ZNF653: variants seen among roughly 807,000 people sequenced by gnomAD.
The protein encoded by ZNF653 is zinc finger protein 653.
In ZNF653, 37 loss-of-function variants were observed where a neutral mutation model predicts 59.9. That is an observed-to-expected ratio of 0.62 (90% CI 0.48 to 0.81). The LOEUF (loss-of-function observed/expected upper bound fraction) is 0.81. Ranked by LOEUF, ZNF653 falls within the 40% of genes least tolerant of loss-of-function variation. ZNF653 has a pLI of 0.00. For missense variants in ZNF653, 808 were observed against 881.1 expected, an observed-to-expected ratio of 0.92 and a Z score of 1.05; for synonymous variants, 435 against 371.8, an observed-to-expected ratio of 1.17 and a Z score of -1.96.
At position 11,485,695 on chromosome 19, in the gene ZNF653, A is replaced by C; in HGVS notation, c.1531T>G (p.Leu511Val). Residue 511 changes from leucine (L) to valine (V), a missense_variant, in exon 7 of 9, where the codon TTA becomes GTA. Coordinates refer to ENST00000293771, the MANE Select transcript of ZNF653 (RefSeq NM_138783.4). ...PHPGCGKKFY[L>V]SNHLRRHMII... ...ATGTGCCGCCGCAGGTGGTTGGATA[A>C]ATAGAACTTCTTGCCACAGCCAGGA... is the stretch of plus-strand genomic sequence containing the variant. 1 of 1,614,074 alleles carries C rather than the reference A, an allele frequency of 6.2e-7. No individual in the cohort carries two copies.
intron 7 of ZNF653, among the ~76,000 whole-genome samples, chr19:11,484,447 G>A (rs1971443846): frequency 6.6e-6 from 1 of 152,026 alleles, no homozygotes; most frequent in South Asian, 2.1e-4. Flanking sequence ...TGTTGCCCAG[G>A]CTGGAGTGCA....
At chr19:11,490,190 G>C (rs373525342) in intron 3 of ZNF653, among the ~76,000 whole-genome samples, 1 of 152,120 alleles carries the variant, frequency 6.6e-6, no homozygotes, top group Admixed American at 6.6e-5. Flanking sequence ...TCAGAAAATG[G>C]CTCTACCTAC....
chr19:11,490,140 A>T (rs1453187371), intron 3 of ZNF653, among the ~76,000 whole-genome samples: 1 of 152,190 alleles, frequency 6.6e-6, no homozygotes, highest in South Asian at 2.1e-4. Flanking sequence ...CCATGACCCC[A>T]TCCTCAGGTT....
intron 2 of ZNF653, among the ~76,000 whole-genome samples, chr19:11,497,898 C>A (rs1599567063): frequency 6.6e-6 from 1 of 152,340 alleles, no homozygotes; most frequent in African/African-American, 2.4e-5. Context: ...CTTCACCCTG[C>A]TGGACATGGC....
chr19:11,487,340 G>T lies in ZNF653; in HGVS notation c.1123C>A (p.Pro375Thr). ...YTQTEPEGSQ[P>T]STMDATAVAG... The stretch of plus-strand genomic sequence containing the variant: ...ACTGCGGTGGCGTCCATGGTGCTAG[G>T]CTGGCTACCCTCGGGCTCTGTCTGG... The change falls in exon 4 of 9, where the codon CCT (proline) becomes ACT (threonine). Residue 375 changes from proline to threonine, a missense_variant. Transcript: ENST00000293771. This position sits in a 1 kb window ranked among gnomAD's most constrained non-coding sequence, Gnocchi z 5.1. 6.2e-7 allele frequency: 1 copy of T among 1,613,618 alleles called. No individual in the cohort carries two copies.
At chr19:11,488,844 C>T (rs1027764088) in intron 3 of ZNF653, among the ~76,000 whole-genome samples, 9 of 152,028 alleles carry the variant, frequency 5.9e-5, no homozygotes, top group Non-Finnish European at 1.5e-5. Context: ...GATCCGCCCA[C>T]CTCGGCCTCC....
In ZNF653 at chr19:11,483,613, A is replaced by G. The variant is rs748388411; in HGVS notation, c.*69T>C. ...GTCCGGGCGGCCCTCGCAGCTGTCCAGGCCCCGGCAAGCCCGGGCGTGGTG... is the reference window on the plus strand; with the variant it reads ...GTCCGGGCGGCCCTCGCAGCTGTCCGGGCCCCGGCAAGCCCGGGCGTGGTG... On this transcript the variant is annotated 3_prime_UTR_variant, in exon 9 of 9. Coordinates refer to ENST00000293771, the MANE Select transcript of ZNF653 (RefSeq NM_138783.4). The G allele has an allele frequency of 1.3e-6, 2 of 1,555,288 alleles. No homozygotes were observed. Among genetic ancestry groups the G allele is most frequent in the South Asian group, 2.4e-5 (2 of 84,022 alleles).
intron 7 of ZNF653, 59 bp downstream of exon 7, chr19:11,485,597 C>T (rs1971457180): frequency 7.0e-7 from 1 of 1,427,210 alleles, no homozygotes; most frequent in East Asian, 2.3e-5. Context: ...CTGGCCCAGG[C>T]TCCCAGGCCC....
rs552839245 is a variant in ZNF653, at chr19:11,491,004, T to G, written c.560-3101A>C. Among the ~76,000 whole-genome samples the G allele has an allele frequency of 2.0e-5, 3 of 152,324 alleles. No homozygotes were observed. In the South Asian group the frequency reaches 6.2e-4, roughly 32 times the overall value. ...ACTTCCAATCTGTCAGCAAAACCTG[T>G]TGGTGCTGCATCCAAAATACATCCA... On this transcript the variant is annotated intron_variant, in intron 3 of 8. Transcript: ENST00000293771.
intron 3 of ZNF653, among the ~76,000 whole-genome samples, chr19:11,489,089 G>A (rs536700605): frequency 2.2e-4 from 33 of 151,656 alleles, no homozygotes; most frequent in East Asian, 3.9e-4. Context: ...TAGTAGAGAT[G>A]AGGTTTTGCC....
At position 11,483,608 on chromosome 19, in the gene ZNF653, T is replaced by C. The variant is rs781526242; in HGVS notation, c.*74A>G. 3 of 1,543,006 alleles carry C rather than the reference T, an allele frequency of 1.9e-6. No homozygotes were observed. The highest frequency in any genetic ancestry group is 4.6e-5 in the East Asian group (2 of 43,152). On this transcript the variant is annotated 3_prime_UTR_variant, in exon 9 of 9. Transcript: ENST00000293771. ...CCGCGGTCCGGGCGGCCCTCGCAGC[T>C]GTCCAGGCCCCGGCAAGCCCGGGCG... is the stretch of plus-strand genomic sequence containing the variant.
rs1172225931 is a variant in ZNF653, at chr19:11,495,625, T to C, written c.559+325A>G. On this transcript the variant is annotated intron_variant, in intron 3 of 8. Coordinates refer to ENST00000293771, the MANE Select transcript of ZNF653 (RefSeq NM_138783.4). This position sits in a 1 kb window ranked among gnomAD's most constrained non-coding sequence, Gnocchi z 4.9. The stretch of plus-strand genomic sequence containing the variant: ...CCGTTTCGCTGTGGGGGCCGAGCCC[T>C]GCCCCAGCAGGCCTGCCCCCGCCCC... 7.7e-6 allele frequency: 3 copies of C among 389,234 alleles called. No individual in the cohort carries two copies. Among genetic ancestry groups the C allele is most frequent in the South Asian group, 7.3e-5 (3 of 40,998 alleles). The allele number at this position is 389,234 out of a possible 1,614,324, so 24.1% of individuals were successfully genotyped here. A position where few individuals can be genotyped will look rare whatever the true frequency, so the allele number is the denominator to read the frequency against.
intron 2 of ZNF653, 76 bp downstream of exon 2, chr19:11,498,220 C>A (rs1000764300): frequency 2.5e-6 from 4 of 1,603,872 alleles, no homozygotes; most frequent in Non-Finnish European, 3.4e-6. Context: ...AGCGACCTGG[C>A]CTCTCTGGGC....
rs141939286 is a variant in ZNF653 at position 11,487,435 on chromosome 19, C to T, written c.1028G>A (p.Ser343Asn). The T allele has an allele frequency of 6.2e-7, 1 of 1,612,500 alleles. No homozygotes were observed. The highest frequency in any genetic ancestry group is 1.1e-5 in the South Asian group (1 of 91,088). Residue 343 changes from serine (S) to asparagine (N), a missense_variant, in exon 4 of 9, where the codon AGC becomes AAC. Physicochemically the swap from Ser to Asn is conservative, Grantham distance 46 (BLOSUM62 1). Coordinates refer to ENST00000293771, the MANE Select transcript of ZNF653 (RefSeq NM_138783.4). This position sits in a 1 kb window ranked among gnomAD's most constrained non-coding sequence, Gnocchi z 5.1. ...GCCCAGTCCACTGCCGGGGACACCG[C>T]TGCCTGCTGCCATGTTGAGGTGAAT... ...EGIHLNMAAGSGVPGSGLGEE... is the reference protein window; with the variant it reads ...EGIHLNMAAGNGVPGSGLGEE...
In ZNF653 at chr19:11,505,635, G is replaced by C. The variant is rs1251752889; in HGVS notation, c.152C>G (p.Ser51Cys). The change falls in exon 1 of 9, where the codon TCC (serine) becomes TGC (cysteine). Residue 51 changes from serine (S) to cysteine (C), a missense_variant. Physicochemically the swap from Ser to Cys is moderately radical, Grantham distance 112 (BLOSUM62 -1). Transcript: ENST00000293771. ...ESDRARRRLE[S>C]RKKYDVRRVY... Reference sequence around the variant, plus strand: ...GCGCCGCACGTCGTACTTCTTCCGGGACTCGAGCCGTCGCCGGGCCCGGTC... The same window carrying C: ...GCGCCGCACGTCGTACTTCTTCCGGCACTCGAGCCGTCGCCGGGCCCGGTC... 2.7e-6 allele frequency: 4 copies of C among 1,499,678 alleles called. No individual in the cohort carries two copies. The highest frequency in any genetic ancestry group is 2.9e-5 in the African/African-American group (2 of 68,766). The allele number at this position is 1,499,678 out of a possible 1,614,324, so 92.9% of individuals were successfully genotyped here. A position where few individuals can be genotyped will look rare whatever the true frequency, so the allele number is the denominator to read the frequency against.
chr19:11,494,192 C>T (rs1458632208), intron 3 of ZNF653, among the ~76,000 whole-genome samples: 1 of 151,572 alleles, frequency 6.6e-6, no homozygotes, highest in Non-Finnish European at 1.5e-5. Flanking sequence ...CATGGTGGCT[C>T]ACGCCTGTAA....
intron 3 of ZNF653, among the ~76,000 whole-genome samples, chr19:11,490,016 G>A (rs543284404): frequency 6.6e-5 from 10 of 152,120 alleles, no homozygotes; most frequent in African/African-American, 2.2e-4. Context: ...CGGAGTGGGC[G>A]TCAAATCCTC....
At chr19:11,497,726 A>G (rs1971603317) in intron 2 of ZNF653, among the ~76,000 whole-genome samples, 1 of 152,158 alleles carries the variant, frequency 6.6e-6, no homozygotes, top group Non-Finnish European at 1.5e-5. Context: ...ACAGTCTCCA[A>G]TCATGAGGGC....
intron 7 of ZNF653, among the ~76,000 whole-genome samples, chr19:11,485,027 G>C (rs1187046575): frequency 6.6e-6 from 1 of 151,412 alleles, no homozygotes; most frequent in Non-Finnish European, 1.5e-5. Context: ...GGGCAACAGA[G>C]TGAGACTCTG....
Sources: gnomAD v4.1 joint callset for allele counts (sites outside exome capture counted in the v4.1 genomes callset) on GRCh38, gnomAD v4.1.1 for gene constraint, Gnocchi (gnomAD v3.1) non-coding constraint, MANE v1.5 for transcripts, NCBI Gene and HGNC (gene_info 2026-07-23, HGNC 2026-07-21) for gene names.